The following ECE1 variants were observed in gnomAD, a reference collection of about 807,000 sequenced individuals.
ECE1 encodes endothelin converting enzyme 1, also known as endothelin-converting enzyme 1.
Under a neutral mutation model 98.6 loss-of-function variants are expected in ECE1, and 35 were observed. The observed-to-expected ratio is 0.35, with a 90% CI of 0.27 to 0.47. ECE1 has a LOEUF of 0.47. Among genes scored for constraint, ECE1 ranks in the 20% least tolerant of loss-of-function variants. The probability of loss-of-function intolerance (pLI) is 1.00; values close to 1 mark genes in which losing one functional copy is unlikely to be tolerated. For missense variants in ECE1, 814 were observed against 1,025.3 expected (o/e 0.79, Z 2.81); for synonymous variants, 394 against 407.1 (o/e 0.97, Z 0.39).
rs71014187 is a variant in ECE1 at position 21,342,607 on chromosome 1, TACACACACACAC to T, written c.3+2757_3+2768del. ...ACACAGACACACAGACACACACAGA[TACACACACACAC>T]ACACACACACACACACACACACACA... On this transcript the variant is annotated intron_variant, in intron 1 of 18. Coordinates refer to the ECE1 transcript ENST00000415912. Among the ~76,000 whole-genome samples the T allele has an allele frequency of 9.3e-5, 13 of 139,826 alleles. No homozygotes were observed. In the East Asian group the frequency reaches 1.3e-3, roughly 14 times the overall value. The allele number at this position is 139,826 out of a possible 152,430, so 91.7% of individuals were successfully genotyped here.
intron 10 of ECE1, among the ~76,000 whole-genome samples, chr1:21,244,161 C>G (rs999901354): frequency 1.3e-5 from 2 of 152,064 alleles, no homozygotes; most frequent in African/African-American, 4.8e-5. Flanking sequence ...GGAAGCTGTG[C>G]CAGGTGAGCT....
At chr1:21,272,658 C>T (rs760742887) in intron 4 of ECE1, 41 bp downstream of exon 4, 4 of 1,611,448 alleles carry the variant, frequency 2.5e-6, no homozygotes, top group African/African-American at 1.3e-5. Context: ...TGACAGCTCC[C>T]CGCTGTGGCC....
At chr1:21,227,851 T>G in intron 15 of ECE1, 80 bp downstream of exon 15, 3 of 1,139,308 alleles carry the variant, frequency 2.6e-6, no homozygotes, top group Non-Finnish European at 3.8e-6. Flanking sequence ...GATCACATGG[T>G]GAGACTGGCT....
intron 1 of ECE1, among the ~76,000 whole-genome samples, chr1:21,342,859 A>G (rs1639428108): frequency 6.6e-6 from 1 of 152,278 alleles, no homozygotes; most frequent in South Asian, 2.1e-4. Flanking sequence ...GGGAGGCCTG[A>G]CATCAGCCGC....
At chr1:21,242,816 G>A (rs1301878054) in intron 10 of ECE1, among the ~76,000 whole-genome samples, 1 of 152,202 alleles carries the variant, frequency 6.6e-6, no homozygotes, top group Non-Finnish European at 1.5e-5. Flanking sequence ...TTGCTCTGTT[G>A]CTCAGGCTGG....
chr1:21,237,062 C>T (rs2098189203), intron 11 of ECE1, among the ~76,000 whole-genome samples: 1 of 152,062 alleles, frequency 6.6e-6, no homozygotes, highest in African/African-American at 2.4e-5. Flanking sequence ...GCTCCATGCT[C>T]CAATAAGCTT....
At position 21,335,832 on chromosome 1, in the gene ECE1, AC is replaced by A. The variant is rs554636349; in HGVS notation, c.3+9543del. 2.9e-3 allele frequency among the ~76,000 whole-genome samples: 446 copies of A among 152,268 alleles called. 4 individuals carry two copies. Among genetic ancestry groups the A allele is most frequent in the Non-Finnish European group, 4.2e-3 (286 of 68,018 alleles). Reference sequence around the variant, plus strand: ...AGACACAGGGAGCTGGGAAGCTTCGACCCACCCAGTGCTTGACGGAAGGGGA... The same window carrying A: ...AGACACAGGGAGCTGGGAAGCTTCGACCACCCAGTGCTTGACGGAAGGGGA... On this transcript the variant is annotated intron_variant, in intron 1 of 18. Coordinates refer to the ECE1 transcript ENST00000415912.
At chr1:21,287,971 A>C (rs1420911738) in intron 2 of ECE1, among the ~76,000 whole-genome samples, 7 of 151,286 alleles carry the variant, frequency 4.6e-5, no homozygotes, top group Admixed American at 1.3e-4. Flanking sequence ...AAAAAAAAAA[A>C]AACAATGATT....
intron 1 of ECE1, among the ~76,000 whole-genome samples, chr1:21,306,020 C>T (rs1045182715): frequency 6.6e-6 from 1 of 152,226 alleles, no homozygotes; most frequent in African/African-American, 2.4e-5. Context: ...TTTGTCTTCC[C>T]AGCATCCATC....
chr1:21,245,484 C>G (rs1254621125), intron 9 of ECE1, among the ~76,000 whole-genome samples: 2 of 152,038 alleles, frequency 1.3e-5, no homozygotes, highest in Non-Finnish European at 2.9e-5. Context: ...TTGGAGGTGC[C>G]CCAGCCAGAA....
chr1:21,235,832 A>G lies in ECE1; in HGVS notation c.1566+18T>C. The stretch of plus-strand genomic sequence containing the variant: ...GGGGCATTTAGGAACGCAAGGGGGC[A>G]GGGCAGCAGCTACTCACGTCATTAA... On this transcript the variant is annotated intron_variant, in intron 13 of 18. Transcript: ENST00000374893. This position sits in a 1 kb window ranked among gnomAD's most constrained non-coding sequence, Gnocchi z 4.2. The G allele has an allele frequency of 1.9e-6, 3 of 1,613,824 alleles. No homozygotes were observed. The East Asian group carries it at 6.7e-5, about 36-fold the overall frequency.
chr1:21,336,936 CAG>C lies in ECE1; in HGVS notation c.3+8438_3+8439del, dbSNP rs1639315224. 3.9e-5 allele frequency among the ~76,000 whole-genome samples: 6 copies of C among 152,206 alleles called. No homozygotes were observed. The South Asian group carries it at 1.2e-3, about 32-fold the overall frequency. ...ATCCCAGCTACTTGGGAGGCTGAGA[CAG>C]GGGCAGGAGAATCGCTTGAACCCAG... On this transcript the variant is annotated intron_variant, in intron 1 of 18. Transcript: ENST00000415912.
intron 1 of ECE1, among the ~76,000 whole-genome samples, chr1:21,337,422 G>A (rs1385506967): frequency 6.6e-6 from 1 of 152,234 alleles, no homozygotes; most frequent in African/African-American, 2.4e-5. Flanking sequence ...GGGACTGATG[G>A]AGGAGGCACA....
At chr1:21,252,690 T>G (rs1349614530) in intron 8 of ECE1, among the ~76,000 whole-genome samples, 1 of 152,210 alleles carries the variant, frequency 6.6e-6, no homozygotes, top group African/African-American at 2.4e-5. Context: ...CCAGCAGGGC[T>G]AGCCTAGAAC....
At chr1:21,287,975 A>G (rs1326284788) in intron 2 of ECE1, among the ~76,000 whole-genome samples, 1 of 146,996 alleles carries the variant, frequency 6.8e-6, no homozygotes, top group Admixed American at 6.7e-5. Flanking sequence ...AAAAAAAAAC[A>G]ATGATTGAAA....
chr1:21,277,961 T>C (rs1318837246), intron 3 of ECE1, among the ~76,000 whole-genome samples: 5 of 152,162 alleles, frequency 3.3e-5, no homozygotes, highest in African/African-American at 9.7e-5. Context: ...TCTAGGCCCC[T>C]GAGTCCCCTC....
chr1:21,307,259 G>A lies in ECE1; in HGVS notation c.4-17103C>T, dbSNP rs534614331. Among the ~76,000 whole-genome samples the A allele has an allele frequency of 2.0e-5, 3 of 152,132 alleles. No homozygotes were observed. Among genetic ancestry groups the A allele is most frequent in the Non-Finnish European group, 4.4e-5 (3 of 68,026 alleles). On this transcript the variant is annotated intron_variant, in intron 1 of 18. Coordinates refer to the ECE1 transcript ENST00000415912. This position sits in a 1 kb window ranked among gnomAD's most constrained non-coding sequence, Gnocchi z 4.2. The stretch of plus-strand genomic sequence containing the variant: ...TTAATTCACTTTTGCTCTTCACAGC[G>A]ACTCTGGGGGGCTGGAGCTAGCATC...
rs2098187154 is a variant in ECE1, at chr1:21,235,755, G to A, written c.1566+95C>T. The stretch of plus-strand genomic sequence containing the variant: ...CATCCCTGTGTGTTTTGACAACCAT[G>A]CTGCCTCTAGCACCCCATCTGGACC... On this transcript the variant is annotated intron_variant, in intron 13 of 18. Transcript: ENST00000374893. This position sits in a 1 kb window ranked among gnomAD's most constrained non-coding sequence, Gnocchi z 4.2. 1.6e-6 allele frequency: 2 copies of A among 1,266,468 alleles called. No homozygotes were observed. The highest frequency in any genetic ancestry group is 2.3e-5 in the East Asian group (1 of 43,202). 78.5% of individuals were successfully genotyped at this position (1,266,468 alleles called of 1,614,324 possible). A position where few individuals can be genotyped will look rare whatever the true frequency, so the allele number is the denominator to read the frequency against.
chr1:21,270,599 G>A (rs959809119), intron 4 of ECE1, among the ~76,000 whole-genome samples: 4 of 152,154 alleles, frequency 2.6e-5, no homozygotes, highest in African/African-American at 9.7e-5. Flanking sequence ...CAAGTGGGAT[G>A]GTGTCTACAA....
Sources: allele counts gnomAD v4.1 joint callset (sites outside exome capture counted in the v4.1 genomes callset), GRCh38; gene constraint gnomAD v4.1.1; non-coding constraint Gnocchi (gnomAD v3.1); transcripts MANE v1.5; gene names NCBI Gene and HGNC (gene_info 2026-07-23, HGNC 2026-07-21).